Variants in CREB1 observed in about 807,000 individuals in gnomAD.
CREB1 encodes cyclic AMP-responsive element-binding protein 1.
Under a neutral mutation model 42.0 loss-of-function variants are expected in CREB1, and 2 were observed. The ratio of observed to expected loss-of-function variants is 0.05; its 90% confidence interval spans 0.02 to 0.15. The LOEUF (loss-of-function observed/expected upper bound fraction) is 0.15. Ranked by LOEUF, CREB1 falls within the 10% of genes least tolerant of loss-of-function variation. CREB1 has a pLI of 1.00. For synonymous variants in CREB1, 123 were observed against 139.9 expected, an observed-to-expected ratio of 0.88 and a Z score of 0.85; for missense variants, 199 against 388.9, an observed-to-expected ratio of 0.51 and a Z score of 4.11.
Position 207,565,365 on chromosome 2 carries a change from G to A in CREB1, c.262-2098G>A, listed in dbSNP as rs139567269. ...TTCAGATGGTATTCCCAAAGAGGAA[G>A]TGTTGTGTTTATTTCAGTGGTCTGA... is the stretch of plus-strand genomic sequence containing the variant. On this transcript the variant is annotated intron_variant, in intron 3 of 7. Coordinates refer to ENST00000353267, the MANE Select transcript of CREB1 (RefSeq NM_004379.5). Among the ~76,000 whole-genome samples the A allele has an allele frequency of 5.4e-3, 828 of 152,288 alleles. 3 individuals are homozygous for A. Among genetic ancestry groups the A allele is most frequent in the Non-Finnish European group, 8.3e-3 (562 of 68,026 alleles).
chr2:207,549,925 G>C (rs1337823804), intron 1 of CREB1, among the ~76,000 whole-genome samples: 3 of 151,214 alleles, frequency 2.0e-5, no homozygotes, highest in Admixed American at 2.0e-4. Context: ...AGCTGAGATT[G>C]TGCCACCACA....
rs544109975 is a variant in CREB1 at position 207,567,761 on chromosome 2, T to A, written c.362+198T>A. 31 of 380,170 alleles carry A rather than the reference T, an allele frequency of 8.2e-5. No homozygotes were observed. In the East Asian group the frequency reaches 1.1e-3, roughly 14 times the overall value. 23.5% of individuals were successfully genotyped at this position (380,170 alleles called of 1,614,324 possible). ...GAGCACTTGTTACTCTCACCAGTCC[T>A]AATTTTTTTTTTTTCTGTTTCTGTT... On this transcript the variant is annotated intron_variant, in intron 4 of 7. Coordinates refer to ENST00000353267, the MANE Select transcript of CREB1 (RefSeq NM_004379.5).
intron 7 of CREB1, among the ~76,000 whole-genome samples, chr2:207,589,995 A>C (rs902899455): frequency 1.3e-5 from 2 of 150,698 alleles, no homozygotes; most frequent in Non-Finnish European, 3.0e-5. Context: ...TCTGGAAGAG[A>C]TTATAATATT....
At position 207,600,824 on chromosome 2, in the gene CREB1, CT is replaced by C; in HGVS notation, c.*3770del. On this transcript the variant is annotated 3_prime_UTR_variant, in exon 8 of 8. Coordinates refer to ENST00000353267, the MANE Select transcript of CREB1 (RefSeq NM_004379.5). ...GACAAATCCCTACTATCATTTCTAC[CT>C]TTTGGGGTGACATGTGGAATCATAC... The C allele has an allele frequency of 9.6e-6, 2 of 207,432 alleles. No individual in the cohort carries two copies. The highest frequency in any genetic ancestry group is 5.9e-5 in the Admixed American group (1 of 16,872). 12.8% of individuals were successfully genotyped at this position (207,432 alleles called of 1,614,324 possible).
intron 5 of CREB1, 27 bp from the exon 6 acceptor site, chr2:207,575,245 G>C: frequency 6.2e-7 from 1 of 1,603,522 alleles, no homozygotes; most frequent in Non-Finnish European, 8.5e-7. Flanking sequence ...TATTAAACTT[G>C]TAACAATAAA....
intron 4 of CREB1, 50 bp from the exon 5 acceptor site, chr2:207,570,129 C>A: frequency 7.2e-7 from 1 of 1,388,896 alleles, no homozygotes; most frequent in Non-Finnish European, 9.9e-7. Context: ...TGTATTTAGC[C>A]AGTAAATTGT....
intron 7 of CREB1, chr2:207,581,546 T>A (rs574890572): frequency 4.3e-6 from 1 of 232,940 alleles, no homozygotes; most frequent in South Asian, 1.7e-4. Context: ...ATCTAAAATG[T>A]TAACATTCTA....
chr2:207,572,157 C>T (rs1305594488), intron 5 of CREB1, among the ~76,000 whole-genome samples: 1 of 145,004 alleles, frequency 6.9e-6, no homozygotes, highest in Non-Finnish European at 1.5e-5. Context: ...ACCCAGGAGG[C>T]GGAGCTGGCA....
Position 207,600,885 on chromosome 2 carries a change from G to C in CREB1, c.*3827G>C, listed in dbSNP as rs562809747. The C allele has an allele frequency of 3.0e-5, 6 of 203,008 alleles. No individual in the cohort carries two copies. The South Asian group carries it at 1.1e-3, about 39-fold the overall frequency. The allele number at this position is 203,008 out of a possible 1,614,324, so 12.6% of individuals were successfully genotyped here. A position where few individuals can be genotyped will look rare whatever the true frequency, so the allele number is the denominator to read the frequency against. ...GGAAGAAATACGTTTGTTTAAACCA[G>C]GATGCTTTACTTACTTGAAGTGACT... is the stretch of plus-strand genomic sequence containing the variant. On this transcript the variant is annotated 3_prime_UTR_variant, in exon 8 of 8. Transcript: ENST00000353267.
intron 1 of CREB1, among the ~76,000 whole-genome samples, chr2:207,548,507 T>A (rs951736320): frequency 3.3e-5 from 5 of 152,012 alleles, no homozygotes; most frequent in Non-Finnish European, 5.9e-5. Context: ...TCCCAGCACT[T>A]TGGGAGGCTG....
intron 1 of CREB1, among the ~76,000 whole-genome samples, chr2:207,548,219 G>A (rs1473010266): frequency 6.6e-6 from 1 of 152,112 alleles, no homozygotes; most frequent in Admixed American, 6.5e-5. Context: ...GTGAGCCACT[G>A]CATCTGGCTG....
At chr2:207,564,838 C>G (rs758009164) in intron 3 of CREB1, among the ~76,000 whole-genome samples, 1 of 151,888 alleles carries the variant, frequency 6.6e-6, no homozygotes, top group Non-Finnish European at 1.5e-5. Context: ...AATTAAAGAC[C>G]TATTTAAGGA....
At chr2:207,557,805 T>A (rs2081791405) in intron 2 of CREB1, among the ~76,000 whole-genome samples, 1 of 152,206 alleles carries the variant, frequency 6.6e-6, no homozygotes, top group Non-Finnish European at 1.5e-5. Context: ...ATTTTATAAA[T>A]TTATAATGAG....
At chr2:207,540,669 TAAAAAAAAAAAAAAAAAAAAA>T (rs35714520) in intron 1 of CREB1, among the ~76,000 whole-genome samples, 1 of 64,268 alleles carries the variant, frequency 1.6e-5, no homozygotes, top group Non-Finnish European at 2.6e-5. Flanking sequence ...GTTTAAAAAG[TAAAAAAAAAAAAAAAAAAAAA>T]AAAAAAAGGA....
Position 207,601,196 on chromosome 2 carries a change from T to C in CREB1, c.*4138T>C, listed in dbSNP as rs894022882. 2.2e-5 allele frequency: 4 copies of C among 185,406 alleles called. No individual in the cohort carries two copies. The highest frequency in any genetic ancestry group is 4.6e-5 in the Non-Finnish European group (4 of 87,658). The allele number at this position is 185,406 out of a possible 1,614,324, so 11.5% of individuals were successfully genotyped here. On this transcript the variant is annotated 3_prime_UTR_variant, in exon 8 of 8. Transcript: ENST00000353267. The stretch of plus-strand genomic sequence containing the variant: ...TTCCCTCATGGACCCAATAGAAAAG[T>C]TGTATATTTATTTGGATTATATTTA...
At chr2:207,560,079 T>A in intron 2 of CREB1, 147 bp from the exon 3 acceptor site, 1 of 637,578 alleles carries the variant, frequency 1.6e-6, no homozygotes, top group Non-Finnish European at 2.5e-6. Flanking sequence ...TAAAGAATAT[T>A]AAATTTAGTC....
chr2:207,590,769 C>T (rs920407882), intron 7 of CREB1, among the ~76,000 whole-genome samples: 3 of 152,086 alleles, frequency 2.0e-5, no homozygotes, highest in African/African-American at 7.2e-5. Context: ...TCCAGTAAAA[C>T]TTTATTTACA....
chr2:207,576,266 T>C lies in CREB1; in HGVS notation c.688+812T>C, dbSNP rs796498988. ...CTTTTTTTTTTTTTTTTTTAGTTTT[T>C]TTTTTCTGTTTATTTCAGGAATCTT... is the stretch of plus-strand genomic sequence containing the variant. On this transcript the variant is annotated intron_variant, in intron 6 of 7. Transcript: ENST00000353267. Among the ~76,000 whole-genome samples the C allele has an allele frequency of 1.3e-3, 195 of 150,596 alleles. 1 individual carries two copies. The highest frequency in any genetic ancestry group is 4.4e-3 in the African/African-American group (180 of 41,246).
At chr2:207,590,895 T>A (rs1041065474) in intron 7 of CREB1, among the ~76,000 whole-genome samples, 3 of 152,224 alleles carry the variant, frequency 2.0e-5, no homozygotes, top group Admixed American at 6.5e-5. Context: ...TTGGTTTAGC[T>A]GTGTCCCACA....
Sources: gnomAD v4.1 joint callset for allele counts (sites outside exome capture counted in the v4.1 genomes callset) on GRCh38, gnomAD v4.1.1 for gene constraint, MANE v1.5 for transcripts, NCBI Gene and HGNC (gene_info 2026-07-23, HGNC 2026-07-21) for gene names.